WSCD2: variants seen among roughly 807,000 people sequenced by gnomAD.
WSCD2 encodes the protein WSC domain sialate O sulfotransferase 2.
In WSCD2, 28 loss-of-function variants were observed where a neutral mutation model predicts 55.7. The observed-to-expected ratio is 0.50, with a 90% CI of 0.37 to 0.69. The LOEUF (loss-of-function observed/expected upper bound fraction) is 0.69. WSCD2 is among the 30% of genes least tolerant of loss of function. WSCD2 has a pLI of 0.00. For missense variants in WSCD2, 616 were observed against 762.1 expected (o/e 0.81, Z 2.26); for synonymous variants, 301 against 301.9 (o/e 1.00, Z 0.03).
At chr12:108,211,650 T>TATATATATATATAC (rs1491203752) in intron 4 of WSCD2, among the ~76,000 whole-genome samples, 1 of 124,662 alleles carries the variant, frequency 8.0e-6, no homozygotes, top group African/African-American at 2.8e-5. Context: ...TATATATATA[T>TATATATATATATAC]ACATATATAT....
At chr12:108,229,744 C>T (rs1311606933) in intron 6 of WSCD2, among the ~76,000 whole-genome samples, 1 of 152,070 alleles carries the variant, frequency 6.6e-6, no homozygotes. Context: ...AAAACCACAA[C>T]TTTTACCTTC....
intron 8 of WSCD2, among the ~76,000 whole-genome samples, chr12:108,246,560 T>C (rs2137251097): frequency 6.6e-6 from 1 of 151,998 alleles, no homozygotes; most frequent in Middle Eastern, 3.4e-3. Context: ...TCTGCGGGAG[T>C]TTCAGCAGCT....
intron 1 of WSCD2, among the ~76,000 whole-genome samples, chr12:108,184,305 C>T (rs1254446675): frequency 6.6e-6 from 1 of 152,172 alleles, no homozygotes; most frequent in Non-Finnish European, 1.5e-5. Context: ...GAGACCACCT[C>T]TCCACCACCA....
chr12:108,152,013 C>G (rs531964587), intron 1 of WSCD2, among the ~76,000 whole-genome samples: 2 of 152,302 alleles, frequency 1.3e-5, no homozygotes, highest in African/African-American at 2.4e-5. Flanking sequence ...AGGGCGGCGT[C>G]GCTGCTCTCC....
At chr12:108,169,738 C>T (rs1045063848) in intron 1 of WSCD2, among the ~76,000 whole-genome samples, 1 of 152,100 alleles carries the variant, frequency 6.6e-6, no homozygotes, top group Non-Finnish European at 1.5e-5. Flanking sequence ...GGACAGTTTC[C>T]AGGGTCATGG....
At chr12:108,230,176 T>C (rs1888592585) in intron 6 of WSCD2, among the ~76,000 whole-genome samples, 2 of 152,224 alleles carry the variant, frequency 1.3e-5, no homozygotes, top group South Asian at 4.1e-4. Context: ...AACTGGCTAA[T>C]CCACTCCCCT....
At chr12:108,175,275 G>A (rs1880670064) in intron 1 of WSCD2, among the ~76,000 whole-genome samples, 6 of 152,172 alleles carry the variant, frequency 3.9e-5, no homozygotes, top group Admixed American at 3.9e-4. Context: ...AATGTCAGTA[G>A]TGCAGAGGCT....
chr12:108,212,611 T>TCACACACAGA (rs1290412170), intron 4 of WSCD2, among the ~76,000 whole-genome samples: 5 of 110,722 alleles, frequency 4.5e-5, no homozygotes, highest in African/African-American at 1.4e-4. Context: ...TCTCTCTCTC[T>TCACACACAGA]CTCACACACA....
In WSCD2 at chr12:108,248,033, C is replaced by G. The variant is rs1164151367; in HGVS notation, c.1388C>G (p.Thr463Ser). The change falls in exon 9 of 9, where the codon ACT becomes AGT. Residue 463 changes from threonine (T) to serine (S), a missense_variant. Thr to Ser is a moderately conservative substitution (Grantham distance 58). This residue lies in a region of WSCD2 where 234 missense variants were observed against 264.6 expected (regional missense o/e 0.88). Coordinates refer to ENST00000547525, the MANE Select transcript of WSCD2 (RefSeq NM_014653.4). The surrounding 1 kb of genome is among the most constrained non-coding windows in gnomAD (Gnocchi z 4.3). ...AGGAACTATGCCCCGTGGTGGGCCA[C>G]TCACACACTGGACTGGCTCAAGTTT... Reference protein sequence around the residue: ...FVRNYAPWWATHTLDWLKFGK... With the variant: ...FVRNYAPWWASHTLDWLKFGK... The G allele has an allele frequency of 6.2e-7, 1 of 1,614,206 alleles. No homozygotes were observed. The highest frequency in any genetic ancestry group is 1.7e-5 in the Admixed American group (1 of 60,036).
At chr12:108,215,293 ACT>A (rs1238449890) in intron 4 of WSCD2, among the ~76,000 whole-genome samples, 10 of 151,978 alleles carry the variant, frequency 6.6e-5, no homozygotes, top group Non-Finnish European at 1.5e-4. Context: ...TTCTATCCCA[ACT>A]CTCTCACCTG....
At chr12:108,171,697 A>C (rs1880272730) in intron 1 of WSCD2, 1 of 152,168 alleles carries the variant, frequency 6.6e-6, no homozygotes, top group African/African-American at 2.4e-5. Context: ...GAGGTGATTA[A>C]ACAGCTGGAT....
At chr12:108,153,683 G>A (rs1376650038) in intron 1 of WSCD2, among the ~76,000 whole-genome samples, 1 of 152,216 alleles carries the variant, frequency 6.6e-6, no homozygotes, top group Non-Finnish European at 1.5e-5. Flanking sequence ...TTTGGTAGAG[G>A]GGCTCAGCCA....
chr12:108,239,433 T>G (rs1889529729), intron 7 of WSCD2, among the ~76,000 whole-genome samples: 1 of 152,218 alleles, frequency 6.6e-6, no homozygotes, highest in Non-Finnish European at 1.5e-5. Context: ...ACCATGTCTA[T>G]TCTATGTGTC....
At chr12:108,158,540 C>G (rs1453265801) in intron 1 of WSCD2, among the ~76,000 whole-genome samples, 1 of 152,134 alleles carries the variant, frequency 6.6e-6, no homozygotes, top group African/African-American at 2.4e-5. Context: ...AGATGCAAGG[C>G]CCAAAACTTG....
At chr12:108,163,535 A>C (rs974719163) in intron 1 of WSCD2, among the ~76,000 whole-genome samples, 2 of 152,220 alleles carry the variant, frequency 1.3e-5, no homozygotes, top group Non-Finnish European at 2.9e-5. Context: ...GGTACTTGGC[A>C]GACGTAAATG....
chr12:108,222,328 G>T (rs1887620766), intron 4 of WSCD2, among the ~76,000 whole-genome samples: 1 of 152,148 alleles, frequency 6.6e-6, no homozygotes, highest in Non-Finnish European at 1.5e-5. Context: ...GCAAACGATG[G>T]GTCCTTAGAT....
chr12:108,177,568 C>T (rs1881056761), intron 1 of WSCD2, among the ~76,000 whole-genome samples: 1 of 152,102 alleles, frequency 6.6e-6, no homozygotes, highest in Non-Finnish European at 1.5e-5. Flanking sequence ...TTTTATATGG[C>T]ACAAATGAGT....
intron 7 of WSCD2, among the ~76,000 whole-genome samples, chr12:108,234,944 C>G (rs1240057991): frequency 6.6e-6 from 1 of 152,136 alleles, no homozygotes; most frequent in African/African-American, 2.4e-5. Context: ...ATGCCTTAAT[C>G]TAGTAGTGAC....
At chr12:108,224,972 C>T (rs938091270) in intron 5 of WSCD2, 112 bp downstream of exon 5, 16 of 1,437,540 alleles carry the variant, frequency 1.1e-5, no homozygotes, top group East Asian at 2.3e-5. Flanking sequence ...TAGATGTAGT[C>T]GTTGACTGGG....
Sources: gnomAD v4.1 joint callset for allele counts (sites outside exome capture counted in the v4.1 genomes callset) on GRCh38, gnomAD v4.1.1 for gene constraint, gnomAD v4.1.1 regional missense constraint, Gnocchi (gnomAD v3.1) non-coding constraint, MANE v1.5 for transcripts, NCBI Gene and HGNC (gene_info 2026-07-23, HGNC 2026-07-21) for gene names.